Variants in ACBD6 observed in about 807,000 individuals in gnomAD.
ACBD6 encodes the protein acyl-CoA binding domain containing 6.
Under a neutral mutation model 37.2 loss-of-function variants are expected in ACBD6, and 28 were observed. The observed-to-expected ratio is 0.75, with a 90% CI of 0.56 to 1.03. The LOEUF is 1.03. Ranked by LOEUF, ACBD6 falls within the 50% of genes least tolerant of loss-of-function variation. The pLI is 0.00. For synonymous variants in ACBD6, 113 were observed against 126.8 expected, an observed-to-expected ratio of 0.89 and a Z score of 0.73; for missense variants, 340 against 337.4, an observed-to-expected ratio of 1.01 and a Z score of -0.06.
rs556040144 is a variant in ACBD6 at position 180,383,091 on chromosome 1, T to C, written c.663+14425A>G. Among the ~76,000 whole-genome samples, 16 of 152,250 alleles carry C rather than the reference T, an allele frequency of 1.1e-4. No individual in the cohort carries two copies. The South Asian group carries it at 3.3e-3, about 32-fold the overall frequency. On this transcript the variant is annotated intron_variant, in intron 6 of 7. Coordinates refer to ENST00000367595, the MANE Select transcript of ACBD6 (RefSeq NM_032360.4). The stretch of plus-strand genomic sequence containing the variant: ...AACGCACAGCTAACATCGTACCAAA[T>C]GGGGAAAAATCGGAAAACCTTTCCC...
Position 180,309,131 on chromosome 1 carries a change from C to T in ACBD6, c.694+5561G>A, listed in dbSNP as rs1295865480. On this transcript the variant is annotated intron_variant, in intron 7 of 7. Coordinates refer to ENST00000367595, the MANE Select transcript of ACBD6 (RefSeq NM_032360.4). ...ACATTATTAGCTTTTTATGTATCCT[C>T]CCAGAGATATATATTTACTAGCAAG... Among the ~76,000 whole-genome samples, 7 of 152,096 alleles carry T rather than the reference C, an allele frequency of 4.6e-5. 1 individual carries two copies. The South Asian group carries it at 1.0e-3, about 23-fold the overall frequency.
At chr1:180,414,039 T>C (rs530563898) in intron 4 of ACBD6, among the ~76,000 whole-genome samples, 9 of 152,342 alleles carry the variant, frequency 5.9e-5, no homozygotes, top group Middle Eastern at 6.8e-3. Flanking sequence ...CATTTTTCTA[T>C]TATATTATGC....
chr1:180,373,630 T>C (rs752446847), intron 6 of ACBD6, among the ~76,000 whole-genome samples: 1 of 152,204 alleles, frequency 6.6e-6, no homozygotes, highest in Non-Finnish European at 1.5e-5. Flanking sequence ...ATCATGTTGA[T>C]ACTAACAATG....
intron 6 of ACBD6, among the ~76,000 whole-genome samples, chr1:180,374,143 A>C (rs1230919230): frequency 6.6e-6 from 1 of 152,178 alleles, no homozygotes; most frequent in Non-Finnish European, 1.5e-5. Context: ...AAGTTTTCTC[A>C]TCAAATAATT....
intron 4 of ACBD6, among the ~76,000 whole-genome samples, chr1:180,424,492 G>A (rs1648505765): frequency 6.6e-6 from 1 of 152,110 alleles, no homozygotes; most frequent in Non-Finnish European, 1.5e-5. Context: ...GTGAAAAAGG[G>A]GGTGAGCGGA....
chr1:180,274,453 C>T, intron 10 of ACBD6: 2 of 1,614,178 alleles, frequency 1.2e-6, no homozygotes, highest in Non-Finnish European at 1.7e-6. Context: ...AGGGAGTAAG[C>T]CAGACGCTGA....
intron 6 of ACBD6, among the ~76,000 whole-genome samples, chr1:180,347,849 T>C (rs1652248044): frequency 6.6e-6 from 1 of 151,762 alleles, no homozygotes. Flanking sequence ...CGGGCGCCTG[T>C]AGCTACTCGG....
chr1:180,438,547 C>T (rs1026143928), intron 3 of ACBD6, among the ~76,000 whole-genome samples: 13 of 151,986 alleles, frequency 8.6e-5, no homozygotes, highest in Admixed American at 5.2e-4. Context: ...TTAAGAGTTA[C>T]GTGGTAGTTC....
At chr1:180,501,662 A>G (rs1451741029) in intron 1 of ACBD6, among the ~76,000 whole-genome samples, 2 of 152,206 alleles carry the variant, frequency 1.3e-5, no homozygotes, top group African/African-American at 4.8e-5. Flanking sequence ...GGATCTCTAT[A>G]TAGTTTTATT....
exon 14 of ACBD6, chr1:180,271,826 G>A: frequency 6.2e-7 from 1 of 1,613,936 alleles, no homozygotes; most frequent in African/African-American, 1.3e-5. Flanking sequence ...CCTTGTGCTT[G>A]TGTGGCAGGT....
At chr1:180,371,158 GA>G (rs962166697) in intron 6 of ACBD6, among the ~76,000 whole-genome samples, 126 of 151,116 alleles carry the variant, frequency 8.3e-4, no homozygotes, top group African/African-American at 2.8e-3. Flanking sequence ...ATTTTATAAA[GA>G]AAAAAACATT....
At chr1:180,430,112 T>C in intron 4 of ACBD6, 68 bp downstream of exon 4, 2 of 1,337,306 alleles carry the variant, frequency 1.5e-6, no homozygotes, top group Non-Finnish European at 2.1e-6. Context: ...CATAAGCACA[T>C]ACATACAAAC....
chr1:180,376,372 T>C (rs973728024), intron 6 of ACBD6, among the ~76,000 whole-genome samples: 3 of 152,192 alleles, frequency 2.0e-5, no homozygotes, highest in Non-Finnish European at 2.9e-5. Context: ...AAAATACATA[T>C]GTACAAGGTT....
intron 5 of ACBD6, among the ~76,000 whole-genome samples, chr1:180,412,566 ATAAAT>A (rs769074215): frequency 2.0e-5 from 3 of 152,188 alleles, no homozygotes; most frequent in Non-Finnish European, 4.4e-5. Flanking sequence ...CACAACACAA[ATAAAT>A]TAAGAAGTAA....
chr1:180,483,001 T>C (rs1294850674), intron 3 of ACBD6, among the ~76,000 whole-genome samples: 2 of 152,188 alleles, frequency 1.3e-5, no homozygotes, highest in East Asian at 3.8e-4. Context: ...TACCTAAGTC[T>C]TTTTACAAGT....
intron 3 of ACBD6, among the ~76,000 whole-genome samples, chr1:180,459,217 A>G (rs1386118732): frequency 6.6e-6 from 1 of 152,224 alleles, no homozygotes; most frequent in African/African-American, 2.4e-5. Flanking sequence ...ATTTGGCTCC[A>G]GTTCAACTTA....
chr1:180,408,700 T>C (rs1003394245), intron 5 of ACBD6, among the ~76,000 whole-genome samples: 2 of 151,968 alleles, frequency 1.3e-5, no homozygotes, highest in African/African-American at 2.4e-5. Context: ...AGTTGTGATA[T>C]AATTACGTTA....
At chr1:180,452,937 A>C (rs545259964) in intron 3 of ACBD6, among the ~76,000 whole-genome samples, 7 of 152,308 alleles carry the variant, frequency 4.6e-5, no homozygotes, top group Admixed American at 4.6e-4. Flanking sequence ...CTACCAACCA[A>C]AAAAGGCCAG....
intron 4 of ACBD6, among the ~76,000 whole-genome samples, chr1:180,417,846 C>T (rs939256876): frequency 1.3e-5 from 2 of 152,152 alleles, no homozygotes; most frequent in Non-Finnish European, 2.9e-5. Context: ...TTCAGTCATA[C>T]TGCTAGTGAA....
Sources: allele counts gnomAD v4.1 joint callset (sites outside exome capture counted in the v4.1 genomes callset), GRCh38; gene constraint gnomAD v4.1.1; transcripts MANE v1.5; gene names NCBI Gene and HGNC (gene_info 2026-07-23, HGNC 2026-07-21).